Variants in FAT4 observed in about 807,000 individuals in gnomAD.
The protein encoded by FAT4 is protocadherin Fat 4.
A neutral mutation model predicts 303.9 loss-of-function variants in FAT4; 84 were observed. That is an observed-to-expected ratio of 0.28 (90% CI 0.23 to 0.33). The LOEUF (loss-of-function observed/expected upper bound fraction) is 0.33. FAT4 is among the 10% of genes least tolerant of loss of function. The pLI, the probability that FAT4 is intolerant of heterozygous loss-of-function variation, is 1.00. For synonymous variants in FAT4, 2,307 were observed against 2,298.8 expected (o/e 1.00, Z -0.10); for missense variants, 6,005 against 6,146.8 (o/e 0.98, Z 0.77).
chr4:125,476,599 C>T (rs547720418), intron 13 of FAT4, among the ~76,000 whole-genome samples: 14 of 152,240 alleles, frequency 9.2e-5, no homozygotes, highest in East Asian at 1.9e-4. Context: ...TAAAAGTTTA[C>T]GTGAAAATTA....
At chr4:125,463,776 G>C in intron 11 of FAT4, 109 bp downstream of exon 11, 1 of 556,360 alleles carries the variant, frequency 1.8e-6, no homozygotes, top group Non-Finnish European at 3.1e-6. Context: ...TGTTTTACAT[G>C]GAAGGTTTTA....
chr4:125,468,431 A>C, intron 11 of FAT4, 81 bp from the exon 12 acceptor site: 1 of 1,024,398 alleles, frequency 9.8e-7, no homozygotes, highest in Non-Finnish European at 1.3e-6. Context: ...CTCATTTTAT[A>C]ATTCAAAAAT....
At chr4:125,433,932 G>A (rs766135007) in intron 7 of FAT4, among the ~76,000 whole-genome samples, 9 of 152,150 alleles carry the variant, frequency 5.9e-5, no homozygotes, top group African/African-American at 2.2e-4. Context: ...AGAAATTACC[G>A]GCAGTGCCTC....
chr4:125,409,555 C>T (rs1734766943), intron 5 of FAT4, among the ~76,000 whole-genome samples: 1 of 152,138 alleles, frequency 6.6e-6, no homozygotes, highest in African/African-American at 2.4e-5. Flanking sequence ...TGCACCCAGC[C>T]CAGCTAATAA....
intron 2 of FAT4, among the ~76,000 whole-genome samples, chr4:125,365,915 G>A (rs894623495): frequency 2.6e-5 from 4 of 152,114 alleles, no homozygotes; most frequent in African/African-American, 9.7e-5. Flanking sequence ...GAACCGGGAC[G>A]CACAGCAGGA....
At chr4:125,446,225 A>G in intron 8 of FAT4, 68 bp from the exon 9 acceptor site, 2 of 1,358,598 alleles carry the variant, frequency 1.5e-6, no homozygotes, top group East Asian at 4.7e-5. Context: ...CAGTTTTTTA[A>G]TTATAGTAAA....
In FAT4 at chr4:125,415,815, A is replaced by G. The variant is rs776491302; in HGVS notation, c.6843+9A>G. 5 of 1,578,092 alleles carry G rather than the reference A, an allele frequency of 3.2e-6. No homozygotes were observed. Among genetic ancestry groups the G allele is most frequent in the Non-Finnish European group, 3.5e-6 (4 of 1,158,428 alleles). Reference sequence around the variant, plus strand: ...CCAGAACAATTCTTCAGGTCAGTATATTTAAATAAAGCAAGTATTGTCTTA... The same window carrying G: ...CCAGAACAATTCTTCAGGTCAGTATGTTTAAATAAAGCAAGTATTGTCTTA... On this transcript the variant is annotated intron_variant, in intron 6 of 17. Transcript: ENST00000394329.
At position 125,315,071 on chromosome 4, in the gene FAT4, C is replaced by G. The variant is rs551271483; in HGVS notation, c.-919C>G. ...GCGACGCGCTGTGTGTGTGTGTGTGCGTGTGTATGTGTGTGTGTGTGCATG... is the reference window on the plus strand; with the variant it reads ...GCGACGCGCTGTGTGTGTGTGTGTGGGTGTGTATGTGTGTGTGTGTGCATG... On this transcript the variant is annotated 5_prime_UTR_variant, in exon 1 of 18. Transcript: ENST00000394329. Among the ~76,000 whole-genome samples, 1 of 151,302 alleles carries G rather than the reference C, an allele frequency of 6.6e-6. No homozygotes were observed. The highest frequency in any genetic ancestry group is 2.4e-5 in the African/African-American group (1 of 41,194).
At chr4:125,331,869 A>C (rs1454887339) in intron 2 of FAT4, among the ~76,000 whole-genome samples, 1 of 152,210 alleles carries the variant, frequency 6.6e-6, no homozygotes, top group Non-Finnish European at 1.5e-5. Context: ...CAAAGAAAAT[A>C]CTGCTGGACA....
chr4:125,473,321 A>C (rs1306918145), intron 12 of FAT4, among the ~76,000 whole-genome samples: 1 of 152,096 alleles, frequency 6.6e-6, no homozygotes, highest in Admixed American at 6.6e-5. Flanking sequence ...TAGTGCCTAA[A>C]AATCCACCTG....
chr4:125,316,445 C>T lies in FAT4; in HGVS notation c.34C>T (p.Pro12Ser). The change falls in exon 2 of 18, where the codon CCG (proline) becomes TCG (serine). Residue 12 changes from proline (P) to serine (S), a missense_variant. Physicochemically the swap from Pro to Ser is moderately conservative, Grantham distance 74. Transcript: ENST00000394329. The surrounding 1 kb of genome is among the most constrained non-coding windows in gnomAD (Gnocchi z 5.7). The part of the protein sequence containing the change: ...DLAPDRATGR[P>S]WLPLHTLSVS... Reference sequence around the variant, plus strand: ...AGCACCAGACAGGGCTACTGGCCGCCCGTGGCTCCCGTTGCACACTCTATC... The same window carrying T: ...AGCACCAGACAGGGCTACTGGCCGCTCGTGGCTCCCGTTGCACACTCTATC... The T allele has an allele frequency of 6.2e-7, 1 of 1,613,230 alleles. No individual in the cohort carries two copies. The highest frequency in any genetic ancestry group is 1.3e-5 in the African/African-American group (1 of 75,028).
At position 125,319,507 on chromosome 4, in the gene FAT4, A is replaced by C; in HGVS notation, c.3096A>C (p.Ala1032=). ...DKDSGANGEI[A]YTIAEGNTGD... Reference sequence around the variant, plus strand: ...ATTCAGGAGCAAATGGTGAAATTGCATACACCATTGCTGAAGGAAATACAG... The same window carrying C: ...ATTCAGGAGCAAATGGTGAAATTGCCTACACCATTGCTGAAGGAAATACAG... The change falls in exon 2 of 18, where the codon GCA becomes GCC. Residue 1032 remains alanine (A), a synonymous_variant. Transcript: ENST00000394329. 1.9e-6 allele frequency: 3 copies of C among 1,613,540 alleles called. No homozygotes were observed. The South Asian group carries it at 3.3e-5, about 18-fold the overall frequency.
At position 125,317,183 on chromosome 4, in the gene FAT4, G is replaced by A. The variant is rs1435183919; in HGVS notation, c.772G>A (p.Gly258Arg). ...TTTTGGCAGTTCTCACTACCAGGCG[G>A]GGGTGCCTGAGGACGCGGTTGTGGG... ...PVFGSSHYQA[G>R]VPEDAVVGSS... Residue 258 changes from glycine to arginine, a missense_variant, in exon 2 of 18, where the codon GGG (glycine) becomes AGG (arginine). Physicochemically the swap from Gly to Arg is moderately radical, Grantham distance 125 (BLOSUM62 -2). Coordinates refer to ENST00000394329, the MANE Select transcript of FAT4 (RefSeq NM_001291303.3). The surrounding 1 kb of genome is among the most constrained non-coding windows in gnomAD (Gnocchi z 7.0). The A allele has an allele frequency of 6.3e-7, 1 of 1,598,864 alleles. No homozygotes were observed. Among genetic ancestry groups the A allele is most frequent in the Non-Finnish European group, 8.5e-7 (1 of 1,169,746 alleles).
intron 7 of FAT4, among the ~76,000 whole-genome samples, chr4:125,430,994 A>AT (rs1725264311): frequency 6.6e-6 from 1 of 152,150 alleles, no homozygotes; most frequent in African/African-American, 2.4e-5. Flanking sequence ...AACAGGGCTC[A>AT]TTTTTTACTC....
chr4:125,386,212 A>G (rs899899372), intron 2 of FAT4, among the ~76,000 whole-genome samples: 6 of 152,194 alleles, frequency 3.9e-5, no homozygotes, highest in African/African-American at 1.4e-4. Context: ...CGTTATATTG[A>G]AACTGATCTA....
intron 2 of FAT4, among the ~76,000 whole-genome samples, chr4:125,379,653 T>G (rs1348179319): frequency 6.6e-6 from 1 of 151,806 alleles, no homozygotes; most frequent in African/African-American, 2.4e-5. Context: ...GGAGACATGG[T>G]TTCACCATGT....
At chr4:125,482,626 T>G (rs1727268145) in intron 16 of FAT4, among the ~76,000 whole-genome samples, 1 of 152,124 alleles carries the variant, frequency 6.6e-6, no homozygotes, top group Admixed American at 6.5e-5. Context: ...AGATAACAAA[T>G]CCAGATTTCC....
intron 3 of FAT4, among the ~76,000 whole-genome samples, chr4:125,401,707 A>C (rs1205475633): frequency 6.8e-6 from 1 of 146,280 alleles, no homozygotes; most frequent in African/African-American, 2.5e-5. Flanking sequence ...CATGTTTCAG[A>C]AGCACATGAT....
At chr4:125,462,103 A>G (rs922650542) in intron 10 of FAT4, among the ~76,000 whole-genome samples, 1 of 152,100 alleles carries the variant, frequency 6.6e-6, no homozygotes, top group East Asian at 1.9e-4. Flanking sequence ...TTTATAAGGG[A>G]AAAAATGTTG....
Sources: gnomAD v4.1 joint callset for allele counts (sites outside exome capture counted in the v4.1 genomes callset) on GRCh38, gnomAD v4.1.1 for gene constraint, Gnocchi (gnomAD v3.1) non-coding constraint, MANE v1.5 for transcripts, NCBI Gene and HGNC (gene_info 2026-07-23, HGNC 2026-07-21) for gene names.